PRKCE: variants seen among roughly 807,000 people sequenced by gnomAD.
PRKCE encodes the protein protein kinase C epsilon type.
PRKCE carries 16 observed loss-of-function variants against 85.4 expected under a neutral mutation model. That is an observed-to-expected ratio of 0.19 (90% CI 0.13 to 0.28). The LOEUF (loss-of-function observed/expected upper bound fraction) is 0.28. PRKCE is among the 10% of genes least tolerant of loss of function. The pLI is 1.00. For missense variants in PRKCE, 573 were observed against 975.2 expected, an observed-to-expected ratio of 0.59 and a Z score of 5.49; for synonymous variants, 388 against 371.5, an observed-to-expected ratio of 1.04 and a Z score of -0.51.
At chr2:46,008,685 G>T (rs1423682910) in intron 9 of PRKCE, among the ~76,000 whole-genome samples, 1 of 152,164 alleles carries the variant, frequency 6.6e-6, no homozygotes, top group Non-Finnish European at 1.5e-5. Flanking sequence ...GAAGGTAACT[G>T]GGGTTTACTT....
chr2:45,879,261 G>A (rs1398362276), intron 2 of PRKCE, among the ~76,000 whole-genome samples: 9 of 152,218 alleles, frequency 5.9e-5, no homozygotes, highest in African/African-American at 1.7e-4. Flanking sequence ...GAGTCCAGCC[G>A]AGGATGGCCA....
intron 1 of PRKCE, among the ~76,000 whole-genome samples, chr2:45,681,746 T>C (rs1406075164): frequency 1.3e-5 from 2 of 152,180 alleles, no homozygotes; most frequent in Admixed American, 6.5e-5. Context: ...ACAATGCCTG[T>C]GGGAATCCAA....
intron 2 of PRKCE, among the ~76,000 whole-genome samples, chr2:45,871,589 A>G (rs1191189703): frequency 6.6e-6 from 1 of 152,226 alleles, no homozygotes; most frequent in Non-Finnish European, 1.5e-5. Flanking sequence ...ATTTAGAGGT[A>G]TCTCTATAGG....
chr2:46,157,770 G>A (rs1292690397), intron 13 of PRKCE, among the ~76,000 whole-genome samples: 1 of 152,222 alleles, frequency 6.6e-6, no homozygotes, highest in Non-Finnish European at 1.5e-5. Flanking sequence ...AGGACGGGAG[G>A]AGCTGAGGAA....
chr2:45,739,073 G>A (rs1485572819), intron 1 of PRKCE, among the ~76,000 whole-genome samples: 1 of 152,234 alleles, frequency 6.6e-6, no homozygotes, highest in Non-Finnish European at 1.5e-5. Context: ...CTGGCTGGCT[G>A]TATTCTCAGA....
At chr2:45,752,616 A>G (rs1683669874) in intron 1 of PRKCE, among the ~76,000 whole-genome samples, 1 of 152,208 alleles carries the variant, frequency 6.6e-6, no homozygotes, top group Non-Finnish European at 1.5e-5. Context: ...TTGCTCAGCC[A>G]GAACATTCTG....
In PRKCE at chr2:46,151,285, A is replaced by G. The variant is rs1676603874; in HGVS notation, c.1920+56A>G. ...CTCTCCTGGGCTCCTCCCCCTACAC[A>G]CACACACACACACACACACACACAC... On this transcript the variant is annotated intron_variant, in intron 13 of 14. Coordinates refer to ENST00000306156, the MANE Select transcript of PRKCE (RefSeq NM_005400.3). The G allele has an allele frequency of 7.0e-6, 3 of 429,532 alleles. No individual in the cohort carries two copies. The Admixed American group carries it at 1.2e-4, about 18-fold the overall frequency. 26.6% of individuals were successfully genotyped at this position (429,532 alleles called of 1,614,324 possible).
At chr2:45,721,340 A>G (rs1680602651) in intron 1 of PRKCE, among the ~76,000 whole-genome samples, 1 of 152,194 alleles carries the variant, frequency 6.6e-6, no homozygotes, top group Non-Finnish European at 1.5e-5. Context: ...AGAGTTAAAT[A>G]ACAACACAAG....
chr2:46,101,859 CAAAAAAAAAAAAAAA>C lies in PRKCE; in HGVS notation c.1592+15507_1592+15521del, dbSNP rs56811595. ...TGGTGTATGCTGATAAACTGGCTTT[CAAAAAAAAAAAAAAA>C]AAAAAAAAACCCAAAACCCTGATTT... On this transcript the variant is annotated intron_variant, in intron 11 of 14. Coordinates refer to ENST00000306156, the MANE Select transcript of PRKCE (RefSeq NM_005400.3). Among the ~76,000 whole-genome samples, 3 of 114,080 alleles carry C rather than the reference CAAAAAAAAAAAAAAA, an allele frequency of 2.6e-5. No homozygotes were observed. In the South Asian group the frequency reaches 8.6e-4, roughly 33 times the overall value. The allele number at this position is 114,080 out of a possible 152,430, so 74.8% of individuals were successfully genotyped here.
At position 45,983,895 on chromosome 2, in the gene PRKCE, C is replaced by A. The variant is rs142607194; in HGVS notation, c.694-656C>A. ...CATTGAGCTTCCTAGAGACTTTTTG[C>A]CTAGGTGGGGCTTCCAGGCACACAG... On this transcript the variant is annotated intron_variant, in intron 5 of 14. Coordinates refer to ENST00000306156, the MANE Select transcript of PRKCE (RefSeq NM_005400.3). Among the ~76,000 whole-genome samples the A allele has an allele frequency of 2.2e-3, 331 of 152,004 alleles. 3 individuals carry two copies. Among genetic ancestry groups the A allele is most frequent in the African/African-American group, 7.6e-3 (315 of 41,414 alleles).
intron 2 of PRKCE, among the ~76,000 whole-genome samples, chr2:45,853,962 C>T (rs1692475820): frequency 2.0e-5 from 3 of 152,192 alleles, no homozygotes; most frequent in African/African-American, 4.8e-5. Context: ...TCCTGGGAGC[C>T]TTCCCACACA....
intron 11 of PRKCE, among the ~76,000 whole-genome samples, chr2:46,114,407 C>CTTTTT (rs36107970): frequency 2.1e-5 from 1 of 47,682 alleles, no homozygotes; most frequent in Admixed American, 3.6e-4. Context: ...GAGTCCAAGG[C>CTTTTT]TTTTTTTTTT....
chr2:46,108,858 T>A (rs115743104), intron 11 of PRKCE, among the ~76,000 whole-genome samples: 1,599 of 152,318 alleles, frequency 0.01, 39 homozygotes, highest in African/African-American at 0.036. Context: ...ATGATCTATT[T>A]TGAGTTAATT....
chr2:45,793,782 C>G (rs1465327090), intron 1 of PRKCE, among the ~76,000 whole-genome samples: 1 of 152,210 alleles, frequency 6.6e-6, no homozygotes, highest in Non-Finnish European at 1.5e-5. Flanking sequence ...GAACTGGGAT[C>G]CGGGCTAAAC....
intron 1 of PRKCE, among the ~76,000 whole-genome samples, chr2:45,836,627 G>A (rs997644299): frequency 1.3e-5 from 2 of 152,144 alleles, no homozygotes; most frequent in African/African-American, 4.8e-5. Context: ...GGGGAGAGGG[G>A]GCATCAGTGA....
At chr2:45,760,527 G>T (rs1394312895) in intron 1 of PRKCE, among the ~76,000 whole-genome samples, 1 of 152,170 alleles carries the variant, frequency 6.6e-6, no homozygotes, top group Non-Finnish European at 1.5e-5. Context: ...GACAACAAAA[G>T]CCTTCATAAG....
rs1693529542 is a variant in PRKCE, at chr2:45,865,622, T to C, written c.412+22559T>C. Among the ~76,000 whole-genome samples the C allele has an allele frequency of 2.0e-5, 3 of 152,212 alleles. No homozygotes were observed. In the South Asian group the frequency reaches 6.2e-4, roughly 32 times the overall value. Reference sequence around the variant, plus strand: ...CGCTTGTGAATGAAAAGAAGGACCTTGTAACAGAAGCTCCATCAGCATTCA... The same window carrying C: ...CGCTTGTGAATGAAAAGAAGGACCTCGTAACAGAAGCTCCATCAGCATTCA... On this transcript the variant is annotated intron_variant, in intron 2 of 14. Coordinates refer to ENST00000306156, the MANE Select transcript of PRKCE (RefSeq NM_005400.3).
rs1264688575 is a variant in PRKCE at position 46,186,780 on chromosome 2, C to T, written c.*1899C>T. ...AACTATCTTGAGCCCATTAGAGAGT[C>T]TGTGTCCATATTTGCATCTGGCTGG... On this transcript the variant is annotated 3_prime_UTR_variant, in exon 15 of 15. Transcript: ENST00000306156. The T allele has an allele frequency of 6.6e-6, 1 of 152,188 alleles. No individual in the cohort carries two copies. Among genetic ancestry groups the T allele is most frequent in the South Asian group, 2.1e-4 (1 of 4,824 alleles). The allele number at this position is 152,188 out of a possible 1,614,324, so 9.4% of individuals were successfully genotyped here. A position where few individuals can be genotyped will look rare whatever the true frequency, so the allele number is the denominator to read the frequency against.
chr2:46,094,592 A>C (rs1432021850), intron 11 of PRKCE, among the ~76,000 whole-genome samples: 1 of 146,980 alleles, frequency 6.8e-6, no homozygotes, highest in African/African-American at 2.5e-5. Context: ...ACACATGGAC[A>C]CATGGTGGGG....
Sources: gnomAD v4.1 joint callset for allele counts (sites outside exome capture counted in the v4.1 genomes callset) on GRCh38, gnomAD v4.1.1 for gene constraint, MANE v1.5 for transcripts, NCBI Gene and HGNC (gene_info 2026-07-23, HGNC 2026-07-21) for gene names.